PHEX: variants seen among roughly 807,000 people sequenced by gnomAD.
PHEX encodes phosphate-regulating neutral endopeptidase PHEX.
PHEX carries 16 observed loss-of-function variants against 68.0 expected under a neutral mutation model. That is an observed-to-expected ratio of 0.24 (90% CI 0.16 to 0.36). PHEX has a LOEUF of 0.36. PHEX is among the 10% of genes least tolerant of loss of function. The probability of loss-of-function intolerance (pLI) is 1.00; values close to 1 mark genes in which losing one functional copy is unlikely to be tolerated. For missense variants in PHEX, 480 were observed against 575.5 expected, an observed-to-expected ratio of 0.83 and a Z score of 1.70; for synonymous variants, 208 against 205.1, an observed-to-expected ratio of 1.01 and a Z score of -0.12.
Position 22,219,044 on chromosome X carries a change from G to A in PHEX, c.1709G>A (p.Ser570Asn). ...ATGTATTAATGCCATAGATCTCTGA[G>A]TTATGGTGCTATAGGAGTAATTGTC... Reference protein sequence around the residue: ...FWGTEYPRSLSYGAIGVIVGH... With the variant: ...FWGTEYPRSLNYGAIGVIVGH... The change falls in exon 17 of 22, where the codon AGT (serine) becomes AAT (asparagine). Residue 570 changes from serine (S) to asparagine (N), a missense_variant. Transcript: ENST00000379374. 8.6e-7 allele frequency: 1 copy of A among 1,164,686 alleles called. No homozygotes were observed. The highest frequency in any genetic ancestry group is 1.2e-6 in the Non-Finnish European group (1 of 852,726).
intron 12 of PHEX, among the ~76,000 whole-genome samples, chrX:22,135,833 A>T (rs1932204698): frequency 8.9e-6 from 1 of 111,843 alleles, no homozygotes; most frequent in African/African-American, 3.3e-5. Context: ...CTTTGAGCTG[A>T]GTTCAACCTG....
At chrX:22,239,073 G>T (rs1222505100) in intron 20 of PHEX, among the ~76,000 whole-genome samples, 2 of 112,067 alleles carry the variant, frequency 1.8e-5, no homozygotes, top group Admixed American at 9.4e-5. Context: ...CTTCACTGGT[G>T]ATACCTAGCC....
chrX:22,159,040 C>T (rs1209012354), intron 12 of PHEX, among the ~76,000 whole-genome samples: 1 of 112,987 alleles, frequency 8.9e-6, no homozygotes, highest in African/African-American at 3.2e-5. Flanking sequence ...TGAGATCTGT[C>T]GCATGTAAAT....
chrX:22,195,156 T>C (rs911011178), intron 15 of PHEX, among the ~76,000 whole-genome samples: 1 of 112,037 alleles, frequency 8.9e-6, no homozygotes, highest in African/African-American at 3.2e-5. Flanking sequence ...TGAGACGAAT[T>C]TGTAAAGTGC....
intron 14 of PHEX, among the ~76,000 whole-genome samples, chrX:22,180,774 C>T (rs1933860602): frequency 9.2e-6 from 1 of 108,500 alleles, no homozygotes; most frequent in African/African-American, 3.4e-5. Flanking sequence ...GACCCAGTAC[C>T]CTTCTCAGCC....
chrX:22,240,549 C>CAAGCAAATGGAAA (rs1346108411), intron 20 of PHEX, among the ~76,000 whole-genome samples: 1 of 106,348 alleles, frequency 9.4e-6, no homozygotes, highest in Non-Finnish European at 1.9e-5. Flanking sequence ...GAAGATCTAC[C>CAAGCAAATGGAAA]AAGCAAATGG....
intron 5 of PHEX, among the ~76,000 whole-genome samples, chrX:22,078,083 G>A (rs753419762): frequency 3.6e-5 from 4 of 112,055 alleles, no homozygotes; most frequent in Non-Finnish European, 7.5e-5. Context: ...GAGAAAACAC[G>A]TGCCATGATT....
intron 11 of PHEX, among the ~76,000 whole-genome samples, chrX:22,117,768 T>C (rs1211873000): frequency 9.1e-6 from 1 of 110,072 alleles, no homozygotes; most frequent in Non-Finnish European, 1.9e-5. Flanking sequence ...TACGTGGGGG[T>C]AGTTTGGTAG....
chrX:22,065,004 A>C (rs1928531999), intron 3 of PHEX, among the ~76,000 whole-genome samples: 1 of 112,523 alleles, frequency 8.9e-6, no homozygotes. Flanking sequence ...GTAATGATGG[A>C]CTATTTGCTT....
At chrX:22,114,705 A>G in intron 11 of PHEX, 119 bp downstream of exon 11, 1 of 602,045 alleles carries the variant, frequency 1.7e-6, no homozygotes, top group South Asian at 2.3e-5. Context: ...TATTGTCTTC[A>G]GATTCTTTCA....
chrX:22,089,086 A>G (rs949297745), intron 5 of PHEX, among the ~76,000 whole-genome samples: 1 of 112,412 alleles, frequency 8.9e-6, no homozygotes, highest in Non-Finnish European at 1.9e-5. Flanking sequence ...CAGTGGCGCC[A>G]TCCCAGCTTG....
chrX:22,149,937 G>A (rs917969471), intron 12 of PHEX, among the ~76,000 whole-genome samples: 1 of 111,484 alleles, frequency 9.0e-6, no homozygotes, highest in African/African-American at 3.3e-5. Flanking sequence ...AAAAATGACA[G>A]AATAGAAAAG....
At chrX:22,042,367 C>T (rs1927325780) in intron 2 of PHEX, among the ~76,000 whole-genome samples, 2 of 112,344 alleles carry the variant, frequency 1.8e-5, no homozygotes, top group South Asian at 7.4e-4. Flanking sequence ...GGGTTTGAAG[C>T]ATGATTTAGC....
intron 18 of PHEX, among the ~76,000 whole-genome samples, chrX:22,225,290 C>G (rs907802379): frequency 9.0e-6 from 1 of 110,754 alleles, no homozygotes; most frequent in African/African-American, 3.3e-5. Flanking sequence ...ATCTCAGGAT[C>G]CTTAATCACA....
intron 5 of PHEX, among the ~76,000 whole-genome samples, chrX:22,084,260 T>C (rs1026511417): frequency 1.8e-5 from 2 of 112,016 alleles, no homozygotes; most frequent in Non-Finnish European, 3.8e-5. Flanking sequence ...TAGCTGGTAC[T>C]ACAGGTGCAT....
chrX:22,050,587 A>C (rs1218494683), intron 3 of PHEX, among the ~76,000 whole-genome samples: 4 of 109,454 alleles, frequency 3.7e-5, no homozygotes, highest in African/African-American at 6.6e-5. Context: ...AAAAAAAAAA[A>C]AAAAAACAGA....
At chrX:22,140,421 A>G (rs1932406585) in intron 12 of PHEX, among the ~76,000 whole-genome samples, 1 of 111,651 alleles carries the variant, frequency 9.0e-6, no homozygotes, top group Non-Finnish European at 1.9e-5. Context: ...AGTCTTCCAC[A>G]TAAAAGCCCT....
At chrX:22,183,565 T>C (rs2147132723) in intron 14 of PHEX, among the ~76,000 whole-genome samples, 1 of 112,220 alleles carries the variant, frequency 8.9e-6, no homozygotes, top group Admixed American at 9.5e-5. Flanking sequence ...TCAATAGTTT[T>C]AGATTTAGGC....
chrX:22,224,957 C>CAGCGCTGTATGATTTATTATCATAG (rs1935407991), intron 18 of PHEX, among the ~76,000 whole-genome samples: 1 of 113,857 alleles, frequency 8.8e-6, no homozygotes, highest in African/African-American at 3.2e-5. Flanking sequence ...AATTATCATA[C>CAGCGCTGTATGATTTATTATCATAG]AGCGCTGTAT....
Sources: gnomAD v4.1 joint callset for allele counts (sites outside exome capture counted in the v4.1 genomes callset) on GRCh38, gnomAD v4.1.1 for gene constraint, MANE v1.5 for transcripts, NCBI Gene and HGNC (gene_info 2026-07-23, HGNC 2026-07-21) for gene names.